Variants in GCN1 observed in about 807,000 individuals in gnomAD.
GCN1 encodes GCN1 activator of EIF2AK4, also known as stalled ribosome sensor GCN1.
Under a neutral mutation model 288.4 loss-of-function variants are expected in GCN1, and 90 were observed. The observed-to-expected ratio is 0.31, with a 90% CI of 0.26 to 0.37. The LOEUF is 0.37. GCN1 is among the 10% of genes least tolerant of loss of function. The pLI is 1.00. For missense variants in GCN1, 2,586 were observed against 3,419.9 expected (o/e 0.76, Z 6.08); for synonymous variants, 1,386 against 1,420.2 (o/e 0.98, Z 0.54).
chr12:120,182,524 G>A (rs1223979852), intron 5 of GCN1, among the ~76,000 whole-genome samples: 3 of 152,148 alleles, frequency 2.0e-5, no homozygotes, highest in African/African-American at 4.8e-5. Flanking sequence ...AACCCTCAAC[G>A]AAACCTGGCT....
At position 120,131,975 on chromosome 12, in the gene GCN1, G is replaced by A; in HGVS notation, c.7365C>T (p.Ala2455=). 1 of 1,605,896 alleles carries A rather than the reference G, an allele frequency of 6.2e-7. No individual in the cohort carries two copies. The highest frequency in any genetic ancestry group is 8.5e-7 in the Non-Finnish European group (1 of 1,175,612). ...SSAGCLGELC[A]FLTEEELSAV... is the part of the protein sequence containing the mutation. ...CACTAAGCTCCTCTTCAGTCAAAAAGGCACACAGTTCCCCTAGGCACCCGG... is the reference window on the plus strand; with the variant it reads ...CACTAAGCTCCTCTTCAGTCAAAAAAGCACACAGTTCCCCTAGGCACCCGG... The change falls in exon 54 of 58, where the codon GCC becomes GCT. Residue 2455 remains alanine (A), a synonymous_variant. Coordinates refer to ENST00000300648, the MANE Select transcript of GCN1 (RefSeq NM_006836.2).
chr12:120,167,787 G>A (rs905561670), intron 16 of GCN1, among the ~76,000 whole-genome samples: 1 of 152,000 alleles, frequency 6.6e-6, no homozygotes, highest in African/African-American at 2.4e-5. Context: ...AGGCAACGTA[G>A]AATATTAAAC....
At chr12:120,149,750 C>G in intron 35 of GCN1, 30 bp from the exon 36 acceptor site, 1 of 1,579,532 alleles carries the variant, frequency 6.3e-7, no homozygotes. Context: ...CATTCAGGGG[C>G]CTCCTCACCC....
At position 120,138,786 on chromosome 12, in the gene GCN1, C is replaced by G. The variant is rs1386605513; in HGVS notation, c.6065G>C (p.Arg2022Thr). 2 of 1,614,196 alleles carry G rather than the reference C, an allele frequency of 1.2e-6. No individual in the cohort carries two copies. The highest frequency in any genetic ancestry group is 2.2e-5 in the South Asian group (2 of 91,080). The change falls in exon 46 of 58, where the codon AGA (arginine) becomes ACA (threonine). Residue 2022 changes from arginine to threonine, a missense_variant. By Grantham distance (71) the Arg-to-Thr change is moderately conservative. Coordinates refer to ENST00000300648, the MANE Select transcript of GCN1 (RefSeq NM_006836.2). ...CTCGAAAGTCTTGGCTGCCGCCTCTCTGACCTCCTCCAGTGGGTCACACAA... is the reference window on the plus strand; with the variant it reads ...CTCGAAAGTCTTGGCTGCCGCCTCTGTGACCTCCTCCAGTGGGTCACACAA... ...KALCDPLEEV[R>T]EAAAKTFEQL...
intron 45 of GCN1, chr12:120,139,069 G>A: frequency 5.4e-6 from 2 of 369,736 alleles, no homozygotes; most frequent in Non-Finnish European, 9.8e-6. Context: ...CAGCACTTTG[G>A]GAGGCCAAGG....
At position 120,158,534 on chromosome 12, in the gene GCN1, G is replaced by A. The variant is rs374080220; in HGVS notation, c.2831C>T (p.Ser944Leu). 1.7e-4 allele frequency: 277 copies of A among 1,594,230 alleles called. 1 individual carries two copies. In the African/African-American group the frequency reaches 3.0e-3, roughly 17 times the overall value. Residue 944 changes from serine to leucine, a missense_variant, in exon 25 of 58, where the codon TCG (serine) becomes TTG (leucine). Ser to Leu is a moderately radical substitution (Grantham distance 145). Coordinates refer to ENST00000300648, the MANE Select transcript of GCN1 (RefSeq NM_006836.2). The surrounding 1 kb of genome is among the most constrained non-coding windows in gnomAD (Gnocchi z 4.3). Reference sequence around the variant, plus strand: ...CATCACCGCCCTCTTCACAGCCACCGACAGCTCTTCCTGGCACCAGGACTT... The same window carrying A: ...CATCACCGCCCTCTTCACAGCCACCAACAGCTCTTCCTGGCACCAGGACTT... ...LDKSWCQEEL[S>L]VAVKRAVMLL...
chr12:120,145,978 A>G (rs1877347410), intron 38 of GCN1, among the ~76,000 whole-genome samples: 2 of 152,196 alleles, frequency 1.3e-5, no homozygotes, highest in African/African-American at 4.8e-5. Flanking sequence ...AAAAATTAAC[A>G]GTAATTGGCC....
chr12:120,173,696 C>T lies in GCN1; in HGVS notation c.1323G>A (p.Ala441=), dbSNP rs199801180. 6.0e-5 allele frequency: 96 copies of T among 1,611,802 alleles called. 2 individuals carry two copies. In the African/African-American group the frequency reaches 7.9e-4, roughly 13 times the overall value. ...TGCACTGCAGGTAGGCATGCCTCAC[C>T]GCAGATGTGGAGGTTTTAAGGCTGA... The part of the protein sequence containing the change: ...KAFSLKTSTS[A]VRHAYLQCML... The change falls in exon 14 of 58, where the codon GCG becomes GCA. Residue 441 remains alanine (A), a synonymous_variant. Transcript: ENST00000300648.
At position 120,158,557 on chromosome 12, in the gene GCN1, C is replaced by T; in HGVS notation, c.2808G>A (p.Lys936=). Reference sequence around the variant, plus strand: ...CCGACAGCTCTTCCTGGCACCAGGACTTATCCAGGACACACTCTGGCTTCA... The same window carrying T: ...CCGACAGCTCTTCCTGGCACCAGGATTTATCCAGGACACACTCTGGCTTCA... ...RLLKPECVLD[K]SWCQEELSVA... is the part of the protein sequence containing the mutation. Residue 936 remains lysine (K), a synonymous_variant, in exon 25 of 58, where the codon AAG becomes AAA. Coordinates refer to ENST00000300648, the MANE Select transcript of GCN1 (RefSeq NM_006836.2). The surrounding 1 kb of genome is among the most constrained non-coding windows in gnomAD (Gnocchi z 4.3). 6.2e-7 allele frequency: 1 copy of T among 1,605,244 alleles called. No homozygotes were observed. Among genetic ancestry groups the T allele is most frequent in the South Asian group, 1.1e-5 (1 of 89,198 alleles).
chr12:120,149,480 CAG>C, intron 36 of GCN1, 124 bp downstream of exon 36: 1 of 664,326 alleles, frequency 1.5e-6, no homozygotes, highest in East Asian at 2.6e-5. Context: ...TTTAAAAAGG[CAG>C]AGTCTTAACC....
chr12:120,151,813 T>C lies in GCN1; in HGVS notation c.4063-422A>G, dbSNP rs546828524. On this transcript the variant is annotated intron_variant, in intron 33 of 57. Transcript: ENST00000300648. ...CACAGAGAAATTGGGCAGGGCCTTA[T>C]AGGACCAGGCACAAATTGAGTGGAA... is the stretch of plus-strand genomic sequence containing the variant. Among the ~76,000 whole-genome samples, 259 of 152,238 alleles carry C rather than the reference T, an allele frequency of 1.7e-3. 1 individual carries two copies. The highest frequency in any genetic ancestry group is 5.9e-3 in the African/African-American group (246 of 41,540).
At chr12:120,152,184 A>G (rs1877579093) in intron 33 of GCN1, among the ~76,000 whole-genome samples, 1 of 151,712 alleles carries the variant, frequency 6.6e-6, no homozygotes, top group Non-Finnish European at 1.5e-5. Flanking sequence ...CATGGCCTCC[A>G]CCTCTGGCTA....
At position 120,137,307 on chromosome 12, in the gene GCN1, C is replaced by G. The variant is rs1877039705; in HGVS notation, c.6676G>C (p.Gly2226Arg). 6.2e-7 allele frequency: 1 copy of G among 1,613,424 alleles called. No individual in the cohort carries two copies. Among genetic ancestry groups the G allele is most frequent in the African/African-American group, 1.3e-5 (1 of 74,908 alleles). The change falls in exon 50 of 58, where the codon GGC (glycine) becomes CGC (arginine). Residue 2226 changes from glycine (G) to arginine (R), a missense_variant. By Grantham distance (125) the Gly-to-Arg change is moderately radical. Coordinates refer to ENST00000300648, the MANE Select transcript of GCN1 (RefSeq NM_006836.2). This position sits in a 1 kb window ranked among gnomAD's most constrained non-coding sequence, Gnocchi z 5.2. The part of the protein sequence containing the change: ...LNAITKKLDA[G>R]NQLALIEELH... ...TCTTCAATGAGTGCCAACTGGTTGC[C>G]AGCATCCAGCTTCTGCAGGAATCCA...
chr12:120,140,744 T>A (rs998596451), intron 45 of GCN1, 115 bp downstream of exon 45: 4 of 958,890 alleles, frequency 4.2e-6, no homozygotes, highest in South Asian at 1.7e-5. Context: ...GACTGGCTCA[T>A]CCCTGAGGGC....
chr12:120,171,141 CAAAAAA>C (rs56734169), intron 14 of GCN1, among the ~76,000 whole-genome samples: 6 of 88,464 alleles, frequency 6.8e-5, no homozygotes, highest in African/African-American at 2.3e-4. Context: ...ACCCCATCTC[CAAAAAA>C]AAAAAAAAAA....
intron 47 of GCN1, 119 bp from the exon 48 acceptor site, chr12:120,138,163 C>T (rs1877074044): frequency 9.8e-7 from 1 of 1,016,206 alleles, no homozygotes; most frequent in Admixed American, 2.0e-5. Context: ...GCATCTACTC[C>T]AGCATATCTT....
chr12:120,183,018 T>C (rs981458582), intron 5 of GCN1, among the ~76,000 whole-genome samples: 1 of 150,768 alleles, frequency 6.6e-6, no homozygotes, highest in Non-Finnish European at 1.5e-5. Context: ...CCCAGGCACA[T>C]GTCTGCTCTG....
chr12:120,145,447 C>T (rs748448677), intron 38 of GCN1, 117 bp from the exon 39 acceptor site: 208 of 715,404 alleles, frequency 2.9e-4, no homozygotes, highest in Admixed American at 1.3e-3. Context: ...GCAGGGGCAC[C>T]TAGCATGCAA....
chr12:120,145,471 C>A, intron 38 of GCN1, 141 bp from the exon 39 acceptor site: 1 of 596,114 alleles, frequency 1.7e-6, no homozygotes, highest in South Asian at 2.8e-5. Context: ...TCACTGCCCA[C>A]GGAACAGGGA....
Sources: allele counts gnomAD v4.1 joint callset (sites outside exome capture counted in the v4.1 genomes callset), GRCh38; gene constraint gnomAD v4.1.1; non-coding constraint Gnocchi (gnomAD v3.1); transcripts MANE v1.5; gene names NCBI Gene and HGNC (gene_info 2026-07-23, HGNC 2026-07-21).